The following IFT172 variants were observed in gnomAD, a reference collection of about 807,000 sequenced individuals.
IFT172 encodes the protein intraflagellar transport protein 172 homolog.
A neutral mutation model predicts 248.9 loss-of-function variants in IFT172; 164 were observed. The ratio of observed to expected loss-of-function variants is 0.66; its 90% CI spans 0.58 to 0.75. The LOEUF (loss-of-function observed/expected upper bound fraction) is 0.75, where lower values mean the gene tolerates loss of function less well. Ranked by LOEUF, IFT172 falls within the 30% of genes least tolerant of loss-of-function variation. The pLI is 0.00. For synonymous variants in IFT172, 729 were observed against 791.6 expected (o/e 0.92, Z 1.33); for missense variants, 1,950 against 2,192.4 (o/e 0.89, Z 2.21).
intron 1 of IFT172, 83 bp downstream of exon 1, chr2:27,489,532 G>A (rs1669012744): frequency 9.8e-7 from 1 of 1,017,322 alleles, no homozygotes; most frequent in East Asian, 2.4e-5. Context: ...CACAGTAGGA[G>A]GTCAACATCA....
intron 25 of IFT172, 58 bp downstream of exon 25, chr2:27,459,320 C>A: frequency 3.8e-6 from 6 of 1,580,346 alleles, no homozygotes; most frequent in Non-Finnish European, 5.2e-6. Context: ...GCTTTGGGTT[C>A]TCTCATTGTT....
chr2:27,446,505 T>G, intron 42 of IFT172, 150 bp from the exon 43 acceptor site: 1 of 650,150 alleles, frequency 1.5e-6, no homozygotes, highest in Non-Finnish European at 2.6e-6. Flanking sequence ...TTAGTTTTTT[T>G]TTTCTTTTTC....
chr2:27,474,337 TG>T (rs1480510727), intron 14 of IFT172, among the ~76,000 whole-genome samples: 2 of 152,216 alleles, frequency 1.3e-5, no homozygotes, highest in African/African-American at 4.8e-5. Flanking sequence ...AAACTTGATT[TG>T]TGACAGAGAT....
chr2:27,457,839 AC>A lies in IFT172; in HGVS notation c.3111+1del. 6.2e-7 allele frequency: 1 copy of A among 1,614,084 alleles called. No individual in the cohort carries two copies. ...ATAGGGAGAGCCAGGAGAAGGGCTC[AC>A]CTTGCCCAGATGTAGGTGTGTATCA... On this transcript the variant is annotated splice_donor_variant, in intron 28 of 47. Coordinates refer to ENST00000260570, the MANE Select transcript of IFT172 (RefSeq NM_015662.3). LOFTEE classifies it high-confidence loss of function.
Position 27,445,856 on chromosome 2 carries a change from G to A in IFT172, c.4816-13C>T. 6.2e-7 allele frequency: 1 copy of A among 1,614,088 alleles called. No individual in the cohort carries two copies. The highest frequency in any genetic ancestry group is 8.5e-7 in the Non-Finnish European group (1 of 1,179,960). On this transcript the variant is annotated splice_polypyrimidine_tract_variant and intron_variant, in intron 44 of 47. Coordinates refer to ENST00000260570, the MANE Select transcript of IFT172 (RefSeq NM_015662.3). This position sits in a 1 kb window ranked among gnomAD's most constrained non-coding sequence, Gnocchi z 4.4. Reference sequence around the variant, plus strand: ...CTTCCTCGATTGCCTGCAGTAGAGTGGGCAACCATGAACTAGGCACAGCTC... The same window carrying A: ...CTTCCTCGATTGCCTGCAGTAGAGTAGGCAACCATGAACTAGGCACAGCTC...
At position 27,485,465 on chromosome 2, in the gene IFT172, C is replaced by A. The variant is rs1425471550; in HGVS notation, c.78G>T (p.Gln26His). 5.6e-6 allele frequency: 9 copies of A among 1,614,126 alleles called. No individual in the cohort carries two copies. The highest frequency in any genetic ancestry group is 7.6e-6 in the Non-Finnish European group (9 of 1,179,964). The change falls in exon 2 of 48, where the codon CAG becomes CAT. Residue 26 changes from glutamine to histidine, a missense_variant. By Grantham distance (24) the Gln-to-His change is conservative. Transcript: ENST00000260570. ...TGCAGACAGCAAATTTGGCATTGTT[C>A]TGGGACCAAGCCATGCAGGTCACCT... ...AAKVTCMAWS[Q>H]NNAKFAVCTV...
At chr2:27,476,337 C>G (rs1667950370) in intron 14 of IFT172, among the ~76,000 whole-genome samples, 1 of 152,150 alleles carries the variant, frequency 6.6e-6, no homozygotes, top group Admixed American at 6.5e-5. Flanking sequence ...GTGGCACAAA[C>G]ATAGCTCACT....
At chr2:27,450,140 T>C (rs1665529428) in intron 35 of IFT172, 44 bp from the exon 36 acceptor site, 1 of 1,391,388 alleles carries the variant, frequency 7.2e-7, no homozygotes. Flanking sequence ...GAGAGACAAA[T>C]ACCGCTGAGT....
chr2:27,462,402 C>G (rs183866010), intron 20 of IFT172, among the ~76,000 whole-genome samples: 1 of 152,044 alleles, frequency 6.6e-6, no homozygotes, highest in South Asian at 2.1e-4. Flanking sequence ...CTGGATCTAC[C>G]CCTATGCACA....
chr2:27,483,971 C>T, intron 4 of IFT172, 34 bp from the exon 5 acceptor site: 1 of 1,591,244 alleles, frequency 6.3e-7, no homozygotes, highest in Non-Finnish European at 8.6e-7. Flanking sequence ...AGGATAACCC[C>T]ATCTGTGTGG....
chr2:27,480,229 A>G, intron 8 of IFT172, 80 bp from the exon 9 acceptor site: 1 of 1,504,666 alleles, frequency 6.6e-7, no homozygotes, highest in Non-Finnish European at 8.9e-7. Context: ...AAAGGAAATT[A>G]GTCTTGCTAT....
At chr2:27,444,756 T>G (rs190642930) in intron 47 of IFT172, among the ~76,000 whole-genome samples, 21 of 152,268 alleles carry the variant, frequency 1.4e-4, no homozygotes, top group Admixed American at 1.4e-3. Context: ...TAAGCGATTC[T>G]CCTGCCTCAG....
intron 47 of IFT172, 134 bp downstream of exon 47, chr2:27,444,880 C>G: frequency 4.4e-6 from 4 of 916,562 alleles, no homozygotes; most frequent in Non-Finnish European, 6.5e-6. Context: ...AACTCCTGAC[C>G]TCAGGTGATC....
chr2:27,465,132 G>T, intron 18 of IFT172: 1 of 366,008 alleles, frequency 2.7e-6, no homozygotes. Context: ...ATGTTGGCCA[G>T]GCTGGTCTTG....
intron 7 of IFT172, among the ~76,000 whole-genome samples, 192 bp downstream of exon 7, chr2:27,483,096 TG>T (rs1668500990): frequency 6.6e-6 from 1 of 151,050 alleles, no homozygotes; most frequent in Non-Finnish European, 1.5e-5. Context: ...CTCAACCTCC[TG>T]GGCTCAAGTG....
At position 27,472,251 on chromosome 2, in the gene IFT172, C is replaced by T. The variant is rs144868723; in HGVS notation, c.1523G>A (p.Arg508His). The change falls in exon 15 of 48, where the codon CGT (arginine) becomes CAT (histidine). Residue 508 changes from arginine to histidine, a missense_variant and splice_region_variant. Physicochemically the swap from Arg to His is conservative, Grantham distance 29. Transcript: ENST00000260570. ...TAAGGCCTTAGTAGCTCTTCTCACA[C>T]GAAGTTTCCGGTCCCTGAAGAGGAG... Reference protein sequence around the residue: ...HKLLFRDRKLRLHLYDIESCS... With the variant: ...HKLLFRDRKLHLHLYDIESCS... The T allele has an allele frequency of 9.8e-5, 158 of 1,612,304 alleles. No homozygotes were observed. In the Admixed American group the frequency reaches 1.0e-3, roughly 10 times the overall value.
Position 27,445,632 on chromosome 2 carries a change from G to A in IFT172, c.4914+113C>T. The A allele has an allele frequency of 1.1e-5, 15 of 1,399,548 alleles. No individual in the cohort carries two copies. The highest frequency in any genetic ancestry group is 1.5e-5 in the Non-Finnish European group (15 of 1,017,252). 86.7% of individuals were successfully genotyped at this position (1,399,548 alleles called of 1,614,324 possible). On this transcript the variant is annotated intron_variant, in intron 45 of 47. Coordinates refer to ENST00000260570, the MANE Select transcript of IFT172 (RefSeq NM_015662.3). The surrounding 1 kb of genome is among the most constrained non-coding windows in gnomAD (Gnocchi z 4.4). Reference sequence around the variant, plus strand: ...TTTCTATTTTGCTTCTACTTTCACTGAAAAAACAGTGAGGGCTGAGGTCCT... The same window carrying A: ...TTTCTATTTTGCTTCTACTTTCACTAAAAAAACAGTGAGGGCTGAGGTCCT...
At chr2:27,488,870 AAAAC>A (rs1421931894) in intron 1 of IFT172, among the ~76,000 whole-genome samples, 3 of 152,240 alleles carry the variant, frequency 2.0e-5, no homozygotes, top group African/African-American at 7.2e-5. Flanking sequence ...AACAAAAACA[AAAAC>A]AAACAAAGAA....
At chr2:27,460,057 A>G (rs1045746168) in intron 23 of IFT172, among the ~76,000 whole-genome samples, 1 of 151,718 alleles carries the variant, frequency 6.6e-6, no homozygotes, top group African/African-American at 2.4e-5. Context: ...CCATTTTGTT[A>G]TGTACTAAGA....
Sources: allele counts gnomAD v4.1 joint callset (sites outside exome capture counted in the v4.1 genomes callset), GRCh38; gene constraint gnomAD v4.1.1; non-coding constraint Gnocchi (gnomAD v3.1); transcripts MANE v1.5; gene names NCBI Gene and HGNC (gene_info 2026-07-23, HGNC 2026-07-21).